WWOX: variants seen among roughly 807,000 people sequenced by gnomAD.
WWOX encodes WW domain containing oxidoreductase.
Under a neutral mutation model 46.2 loss-of-function variants are expected in WWOX, and 69 were observed. The ratio of observed to expected loss-of-function variants is 1.49; its 90% confidence interval spans 1.23 to 1.82. The LOEUF (loss-of-function observed/expected upper bound fraction) is 1.82, where lower values mean the gene tolerates loss of function less well. WWOX is among the 40% of genes most tolerant of loss of function. The pLI, the probability that WWOX is intolerant of heterozygous loss-of-function variation, is 0.00. For missense variants in WWOX, 919 were observed against 542.6 expected (o/e 1.69, Z -6.89); for synonymous variants, 359 against 202.6 (o/e 1.77, Z -6.56).
intron 8 of WWOX, among the ~76,000 whole-genome samples, chr16:78,997,981 A>G (rs1024723560): frequency 1.3e-4 from 20 of 151,998 alleles, no homozygotes; most frequent in Non-Finnish European, 4.4e-5. Flanking sequence ...GGTTCAAGCG[A>G]TTCTCCTGCC....
chr16:78,536,055 T>C (rs532788659), intron 8 of WWOX, among the ~76,000 whole-genome samples: 1 of 152,306 alleles, frequency 6.6e-6, no homozygotes, highest in South Asian at 2.1e-4. Flanking sequence ...TTCAGAAGTT[T>C]ACAGCTAGTG....
At chr16:78,964,324 G>T (rs191414990) in intron 8 of WWOX, among the ~76,000 whole-genome samples, 12 of 152,316 alleles carry the variant, frequency 7.9e-5, no homozygotes, top group African/African-American at 2.9e-4. Flanking sequence ...GGACAATAAT[G>T]TCCAGGCTGA....
At chr16:78,477,162 T>G (rs2084371107) in intron 8 of WWOX, among the ~76,000 whole-genome samples, 1 of 152,312 alleles carries the variant, frequency 6.6e-6, no homozygotes, top group African/African-American at 2.4e-5. Context: ...TTGCTTTTAG[T>G]GTAATCGAAG....
chr16:78,939,130 T>C (rs1330615740), intron 8 of WWOX, among the ~76,000 whole-genome samples: 2 of 152,216 alleles, frequency 1.3e-5, no homozygotes, highest in Non-Finnish European at 2.9e-5. Context: ...CCCATTGACT[T>C]GGGCTCGAAG....
At chr16:78,280,518 A>G (rs1417554018) in intron 5 of WWOX, among the ~76,000 whole-genome samples, 1 of 152,130 alleles carries the variant, frequency 6.6e-6, no homozygotes, top group African/African-American at 2.4e-5. Context: ...AAAGAGGTTT[A>G]ATTGGCTCAC....
chr16:78,723,587 C>A (rs963011652), intron 8 of WWOX, among the ~76,000 whole-genome samples: 3 of 26,066 alleles, frequency 1.2e-4, no homozygotes, highest in Non-Finnish European at 2.1e-4. Flanking sequence ...CTTTTCTTTT[C>A]TTTTCTTTTC....
At chr16:78,857,555 C>T (rs1166285612) in intron 8 of WWOX, among the ~76,000 whole-genome samples, 4 of 152,124 alleles carry the variant, frequency 2.6e-5, no homozygotes, top group Non-Finnish European at 4.4e-5. Flanking sequence ...CCCATCTACC[C>T]AAGCTGACTG....
intron 8 of WWOX, among the ~76,000 whole-genome samples, chr16:79,087,097 T>C: frequency 6.6e-6 from 1 of 152,074 alleles, no homozygotes; most frequent in Non-Finnish European, 1.5e-5. Context: ...GGAGTAAGGA[T>C]GGAGATGGGA....
chr16:78,763,798 C>G lies in WWOX; in HGVS notation c.1056+331046C>G, dbSNP rs2049854973. Among the ~76,000 whole-genome samples the G allele has an allele frequency of 2.0e-5, 3 of 152,182 alleles. No homozygotes were observed. In the South Asian group the frequency reaches 6.2e-4, roughly 31 times the overall value. Reference sequence around the variant, plus strand: ...TAATTTCTCCAGCATTCAGTTAAGACCTAGCCGAAGCATAATTGTCAGCAT... The same window carrying G: ...TAATTTCTCCAGCATTCAGTTAAGAGCTAGCCGAAGCATAATTGTCAGCAT... On this transcript the variant is annotated intron_variant, in intron 8 of 8. Transcript: ENST00000566780.
chr16:78,145,815 C>T (rs1248458308), intron 4 of WWOX: 2 of 152,170 alleles, frequency 1.3e-5, no homozygotes, highest in African/African-American at 2.4e-5. Flanking sequence ...CCCATTATGA[C>T]CTCATTTATC....
intron 5 of WWOX, among the ~76,000 whole-genome samples, chr16:78,227,116 C>T (rs935260955): frequency 1.1e-4 from 17 of 152,162 alleles, no homozygotes; most frequent in African/African-American, 2.7e-4. Flanking sequence ...CACAGCCACG[C>T]GGGCTCGCAA....
intron 8 of WWOX, among the ~76,000 whole-genome samples, chr16:78,458,264 T>C (rs1310636854): frequency 2.2e-5 from 2 of 92,102 alleles, no homozygotes; most frequent in Non-Finnish European, 4.6e-5. Context: ...TATAGTTTTT[T>C]TTTTTTTTTT....
At chr16:78,771,583 C>G (rs1253918916) in intron 8 of WWOX, among the ~76,000 whole-genome samples, 2 of 151,986 alleles carry the variant, frequency 1.3e-5, no homozygotes, top group Non-Finnish European at 2.9e-5. Context: ...ACCAGCCTGG[C>G]CAGCATGGTG....
At chr16:78,602,751 C>T (rs2045652173) in intron 8 of WWOX, among the ~76,000 whole-genome samples, 1 of 152,174 alleles carries the variant, frequency 6.6e-6, no homozygotes, top group African/African-American at 2.4e-5. Flanking sequence ...CTGGGCACTG[C>T]ACAAAATGGT....
At chr16:78,771,771 C>T (rs1044588102) in intron 8 of WWOX, among the ~76,000 whole-genome samples, 2 of 108,242 alleles carry the variant, frequency 1.8e-5, no homozygotes, top group African/African-American at 6.4e-5. Context: ...GACTCTGTCT[C>T]ACAATAAATA....
At chr16:79,130,308 T>C (rs558120871) in intron 8 of WWOX, among the ~76,000 whole-genome samples, 3 of 152,310 alleles carry the variant, frequency 2.0e-5, no homozygotes, top group African/African-American at 4.8e-5. Flanking sequence ...CCTCAAAATA[T>C]ATTGTTTTCA....
chr16:78,421,227 C>G (rs150533450), intron 6 of WWOX, among the ~76,000 whole-genome samples: 14 of 152,278 alleles, frequency 9.2e-5, no homozygotes, highest in South Asian at 2.1e-4. Context: ...TTTCAGAGAC[C>G]AAACATCTGA....
intron 8 of WWOX, among the ~76,000 whole-genome samples, chr16:79,038,852 G>C (rs2047918046): frequency 6.6e-6 from 1 of 152,088 alleles, no homozygotes. Flanking sequence ...GCCCAGCCTA[G>C]AAATAACTTT....
At chr16:78,168,098 C>G (rs2035035165) in intron 5 of WWOX, 1 of 152,176 alleles carries the variant, frequency 6.6e-6, no homozygotes, top group Non-Finnish European at 1.5e-5. Flanking sequence ...TTTTTTGTTG[C>G]AGCAAAAGCT....
Sources: allele counts gnomAD v4.1 joint callset (sites outside exome capture counted in the v4.1 genomes callset), GRCh38; gene constraint gnomAD v4.1.1; transcripts MANE v1.5; gene names NCBI Gene and HGNC (gene_info 2026-07-23, HGNC 2026-07-21).